XPA: variants seen among roughly 807,000 people sequenced by gnomAD.
The protein encoded by XPA is XPA, DNA damage recognition and repair factor, also known as DNA repair protein complementing XP-A cells.
A neutral mutation model predicts 35.7 loss-of-function variants in XPA; 27 were observed. The observed-to-expected ratio is 0.76, with a 90% CI of 0.56 to 1.04. XPA has a LOEUF of 1.04. XPA is among the 50% of genes least tolerant of loss of function. The pLI is 0.00. For synonymous variants in XPA, 133 were observed against 118.4 expected, an observed-to-expected ratio of 1.12 and a Z score of -0.80; for missense variants, 354 against 342.7, an observed-to-expected ratio of 1.03 and a Z score of -0.26.
chr9:97,683,510 T>C (rs546472032), intron 5 of XPA, among the ~76,000 whole-genome samples: 1 of 152,306 alleles, frequency 6.6e-6, no homozygotes, highest in South Asian at 2.1e-4. Flanking sequence ...AGTAACTATA[T>C]AAAAAGATGT....
At chr9:97,675,891 A>C (rs1828349618) in intron 5 of XPA, 2 of 389,646 alleles carry the variant, frequency 5.1e-6, no homozygotes, top group African/African-American at 4.1e-5. Context: ...GAGTTGAGTA[A>C]CACAATAGGA....
chr9:97,680,655 A>G (rs923896985), intron 5 of XPA, among the ~76,000 whole-genome samples: 3 of 152,250 alleles, frequency 2.0e-5, no homozygotes, highest in Non-Finnish European at 4.4e-5. Context: ...AACATCAGGT[A>G]AATAAAAAAA....
chr9:97,677,838 A>G lies in XPA; in HGVS notation c.674-2251T>C, dbSNP rs560423134. Among the ~76,000 whole-genome samples, 45 of 152,184 alleles carry G rather than the reference A, an allele frequency of 3.0e-4. No individual in the cohort carries two copies. In the East Asian group the frequency reaches 6.8e-3, roughly 23 times the overall value. On this transcript the variant is annotated intron_variant, in intron 5 of 5. Transcript: ENST00000375128. ...CCATAGGAGGGTGAGAGAGCCCAAG[A>G]AAAAGGGCTCCCTCCAGAAGAGGAG...
Position 97,676,287 on chromosome 9 carries a change from C to A in XPA, c.674-700G>T, listed in dbSNP as rs142040136. On this transcript the variant is annotated intron_variant, in intron 5 of 5. Transcript: ENST00000375128. Reference sequence around the variant, plus strand: ...ATAGTTTAACTGTGAAGCCAGGACACTGGTCATATTCTAATGTTTGGAGCT... The same window carrying A: ...ATAGTTTAACTGTGAAGCCAGGACAATGGTCATATTCTAATGTTTGGAGCT... Among the ~76,000 whole-genome samples, 6 of 152,308 alleles carry A rather than the reference C, an allele frequency of 3.9e-5. No individual in the cohort carries two copies. In the East Asian group the frequency reaches 1.2e-3, roughly 29 times the overall value.
intron 5 of XPA, among the ~76,000 whole-genome samples, chr9:97,682,952 C>T (rs758598447): frequency 2.0e-5 from 3 of 152,110 alleles, no homozygotes; most frequent in African/African-American, 7.2e-5. Context: ...ATCTGTTTGT[C>T]AAATTACAGG....
the XPA span, among the ~76,000 whole-genome samples, chr9:97,669,256 C>T: frequency 2.0e-5 from 3 of 151,864 alleles, no homozygotes; most frequent in Non-Finnish European, 2.9e-5. Flanking sequence ...TTAATTATTC[C>T]TCATTGCTGA....
At chr9:97,693,392 C>T (rs1159697272) in intron 2 of XPA, among the ~76,000 whole-genome samples, 2 of 152,156 alleles carry the variant, frequency 1.3e-5, no homozygotes, top group African/African-American at 4.8e-5. Context: ...CTAACCCTGC[C>T]TATTATAAAA....
chr9:97,692,232 G>T (rs1237122104), intron 2 of XPA, among the ~76,000 whole-genome samples: 1 of 151,582 alleles, frequency 6.6e-6, no homozygotes, highest in African/African-American at 2.4e-5. Flanking sequence ...CAGAGGTTGC[G>T]GTGAGCTGAG....
chr9:97,665,917 AAG>A, the XPA span, among the ~76,000 whole-genome samples: 1 of 152,148 alleles, frequency 6.6e-6, no homozygotes, highest in African/African-American at 2.4e-5. Context: ...AATAAATCAT[AAG>A]AGAGGAAACA....
intron 5 of XPA, among the ~76,000 whole-genome samples, chr9:97,680,390 G>A (rs1182656302): frequency 6.6e-6 from 1 of 152,058 alleles, no homozygotes; most frequent in Non-Finnish European, 1.5e-5. Context: ...TGTATTTGTA[G>A]TAGAGACAAG....
chr9:97,667,226 T>C, the XPA span, among the ~76,000 whole-genome samples: 2 of 152,270 alleles, frequency 1.3e-5, no homozygotes, highest in Non-Finnish European at 2.9e-5. Flanking sequence ...GAGAGGACTA[T>C]AGATACTTAA....
At position 97,675,443 on chromosome 9, in the gene XPA, A is replaced by AT. The variant is rs754458042; in HGVS notation, c.817dup (p.Met273AsnfsTer5). 2 of 1,612,848 alleles carry AT rather than the reference A, an allele frequency of 1.2e-6. No individual in the cohort carries two copies. Among genetic ancestry groups the AT allele is most frequent in the Non-Finnish European group, 1.7e-6 (2 of 1,179,708 alleles). On this transcript the variant is annotated frameshift_variant, in exon 6 of 6. Coordinates refer to ENST00000375128, the MANE Select transcript of XPA (RefSeq NM_000380.4). LOFTEE classifies it high-confidence loss of function. Reference sequence around the variant, plus strand: ...ACAGGTCACTGAACTAAAAAATCACATTTTTTCATATGTCAGTTCATGGCC... The same window carrying AT: ...ACAGGTCACTGAACTAAAAAATCACATTTTTTTCATATGTCAGTTCATGGCC...
At chr9:97,694,778 G>T (rs3176645) in intron 1 of XPA, among the ~76,000 whole-genome samples, 2,135 of 152,252 alleles carry the variant, frequency 0.014, 103 homozygotes, top group East Asian at 0.13. Context: ...AAGTGAGTGT[G>T]TATGTCCACT....
At chr9:97,691,891 ATAT>A (rs1564049249) in intron 2 of XPA, among the ~76,000 whole-genome samples, 52 of 92,906 alleles carry the variant, frequency 5.6e-4, no homozygotes, top group African/African-American at 1.2e-3. Context: ...AAATAAATAT[ATAT>A]ATATATATAT....
chr9:97,666,752 ATTTC>A, the XPA span: 2 of 1,546,212 alleles, frequency 1.3e-6, no homozygotes, highest in Non-Finnish European at 1.8e-6. Context: ...CAAATGCCAT[ATTTC>A]TTTAAGATTG....
intron 5 of XPA, among the ~76,000 whole-genome samples, chr9:97,679,844 T>C (rs1828481176): frequency 6.6e-6 from 1 of 152,216 alleles, no homozygotes; most frequent in African/African-American, 2.4e-5. Context: ...ACAGAGCTGG[T>C]ACCATGTGTC....
the XPA span, among the ~76,000 whole-genome samples, chr9:97,659,307 C>A: frequency 2.0e-5 from 3 of 152,164 alleles, no homozygotes; most frequent in Non-Finnish European, 4.4e-5. Context: ...GTTTTTCCAA[C>A]TTGTTCTTTG....
intron 2 of XPA, among the ~76,000 whole-genome samples, chr9:97,691,886 A>AATATATAT (rs55944336): frequency 8.9e-4 from 111 of 124,658 alleles, no homozygotes; most frequent in South Asian, 5.0e-3. Flanking sequence ...TTTCTAAATA[A>AATATATAT]ATATATATAT....
At chr9:97,667,124 A>C in the XPA span, among the ~76,000 whole-genome samples, 1 of 152,142 alleles carries the variant, frequency 6.6e-6, no homozygotes, top group Non-Finnish European at 1.5e-5. Context: ...CCCATAGTTC[A>C]CTATCTCTGG....
Sources: allele counts gnomAD v4.1 joint callset (sites outside exome capture counted in the v4.1 genomes callset), GRCh38; gene constraint gnomAD v4.1.1; transcripts MANE v1.5; gene names NCBI Gene and HGNC (gene_info 2026-07-23, HGNC 2026-07-21).